SPPL3: variants seen among roughly 807,000 people sequenced by gnomAD.
SPPL3 encodes the protein signal peptide peptidase like 3, also known as signal peptide peptidase-like 3.
A neutral mutation model predicts 42.4 loss-of-function variants in SPPL3; 5 were observed. That is an observed-to-expected ratio of 0.12 (90% confidence interval 0.06 to 0.25). The LOEUF is 0.25. SPPL3 is among the 10% of genes least tolerant of loss of function. The probability of loss-of-function intolerance (pLI) is 1.00; values close to 1 mark genes in which losing one functional copy is unlikely to be tolerated. For missense variants in SPPL3, 235 were observed against 489.0 expected (o/e 0.48, Z 4.90); for synonymous variants, 195 against 181.8 (o/e 1.07, Z -0.58).
At chr12:120,874,056 T>C (rs1225940199) in intron 1 of SPPL3, among the ~76,000 whole-genome samples, 1 of 152,074 alleles carries the variant, frequency 6.6e-6, no homozygotes, top group African/African-American at 2.4e-5. Context: ...TAATTCATTA[T>C]CAGCAGAACC....
chr12:120,875,494 T>C (rs1426670397), intron 1 of SPPL3, among the ~76,000 whole-genome samples: 1 of 151,808 alleles, frequency 6.6e-6, no homozygotes, highest in South Asian at 2.1e-4. Context: ...CCAAGCATGG[T>C]GGCGGACGCC....
chr12:120,867,363 C>T (rs1470733477), intron 1 of SPPL3, among the ~76,000 whole-genome samples: 1 of 152,106 alleles, frequency 6.6e-6, no homozygotes, highest in Non-Finnish European at 1.5e-5. Context: ...TACAAAGGAC[C>T]ATCAAAAATA....
Position 120,782,710 on chromosome 12 carries a change from CAG to C in SPPL3, c.445_446del (p.Leu149ValfsTer51), listed in dbSNP as rs1485196736. On this transcript the variant is annotated frameshift_variant, in exon 6 of 11. Coordinates refer to ENST00000353487, the MANE Select transcript of SPPL3 (RefSeq NM_139015.5). LOFTEE classifies it high-confidence loss of function. ...CCCAGATGAGGACGAGCATGACAGACAGAGAGAATGACAGCAACTCAGCAGCA... is the reference window on the plus strand; with the variant it reads ...CCCAGATGAGGACGAGCATGACAGACAGAGAATGACAGCAACTCAGCAGCA... The part of the protein sequence containing the change: ...FTAAELLSFS[L>X]SVMLVLIWVL... 1.2e-6 allele frequency: 2 copies of C among 1,611,558 alleles called. No individual in the cohort carries two copies. The highest frequency in any genetic ancestry group is 1.7e-6 in the Non-Finnish European group (2 of 1,178,614).
At chr12:120,872,665 A>G (rs1051154714) in intron 1 of SPPL3, among the ~76,000 whole-genome samples, 1 of 152,158 alleles carries the variant, frequency 6.6e-6, no homozygotes, top group Non-Finnish European at 1.5e-5. Context: ...AGTCTCCCCA[A>G]GGTCAGGGAA....
At chr12:120,872,001 C>T (rs1235312992) in intron 1 of SPPL3, among the ~76,000 whole-genome samples, 1 of 152,162 alleles carries the variant, frequency 6.6e-6, no homozygotes, top group Non-Finnish European at 1.5e-5. Context: ...ATCTGAAATG[C>T]TCAAATGAGT....
At chr12:120,827,377 CAAT>C (rs1241649040) in intron 1 of SPPL3, among the ~76,000 whole-genome samples, 5 of 148,588 alleles carry the variant, frequency 3.4e-5, no homozygotes, top group East Asian at 3.9e-4. Flanking sequence ...ATAATAATAA[CAAT>C]AATAATAATA....
At chr12:120,894,319 C>G (rs1278005808) in intron 1 of SPPL3, among the ~76,000 whole-genome samples, 1 of 151,980 alleles carries the variant, frequency 6.6e-6, no homozygotes, top group East Asian at 1.9e-4. Flanking sequence ...ACCGAAACTC[C>G]ATCTCAAAAA....
At chr12:120,802,629 T>G (rs1322022834) in intron 2 of SPPL3, among the ~76,000 whole-genome samples, 1 of 151,602 alleles carries the variant, frequency 6.6e-6, no homozygotes, top group African/African-American at 2.4e-5. Flanking sequence ...AGATGGAGTT[T>G]CACCATGTTG....
chr12:120,783,208 A>G (rs1385614170), intron 5 of SPPL3, among the ~76,000 whole-genome samples: 1 of 152,238 alleles, frequency 6.6e-6, no homozygotes, highest in Non-Finnish European at 1.5e-5. Context: ...AAGTGCGTTC[A>G]GCATCTCCAT....
chr12:120,874,763 G>C (rs1236165726), intron 1 of SPPL3, among the ~76,000 whole-genome samples: 1 of 151,888 alleles, frequency 6.6e-6, no homozygotes, highest in Non-Finnish European at 1.5e-5. Context: ...GGATGTGTGA[G>C]TGTGAGTGTG....
At chr12:120,865,576 C>G (rs1672661672) in intron 1 of SPPL3, among the ~76,000 whole-genome samples, 1 of 152,148 alleles carries the variant, frequency 6.6e-6, no homozygotes, top group Non-Finnish European at 1.5e-5. Flanking sequence ...TACCAATATT[C>G]TAAATATTAC....
intron 6 of SPPL3, chr12:120,770,004 G>A (rs1173683765): frequency 6.7e-6 from 1 of 148,400 alleles, no homozygotes; most frequent in East Asian, 2.0e-4. Flanking sequence ...ATCTTTTGCA[G>A]ATGGTTTGTC....
At chr12:120,875,585 T>A (rs1250012598) in intron 1 of SPPL3, among the ~76,000 whole-genome samples, 4 of 148,006 alleles carry the variant, frequency 2.7e-5, no homozygotes, top group African/African-American at 1.0e-4. Flanking sequence ...GCCGAGACTG[T>A]GCCACTGCCC....
rs957250818 is a variant in SPPL3, at chr12:120,769,123, A to G, written c.503-64T>C. ...TGGACTCCAGGCTCATCCTCTTTCC[A>G]CAAGCTATGGCCCTTCACAGAGTTT... On this transcript the variant is annotated intron_variant, in intron 6 of 10. Coordinates refer to ENST00000353487, the MANE Select transcript of SPPL3 (RefSeq NM_139015.5). The G allele has an allele frequency of 5.4e-6, 7 of 1,294,254 alleles. No homozygotes were observed. In the African/African-American group the frequency reaches 8.8e-5, roughly 16 times the overall value. The allele number at this position is 1,294,254 out of a possible 1,614,324, so 80.2% of individuals were successfully genotyped here.
At chr12:120,884,824 G>GTTT (rs1873403289) in intron 1 of SPPL3, among the ~76,000 whole-genome samples, 1 of 44,226 alleles carries the variant, frequency 2.3e-5, no homozygotes, top group Non-Finnish European at 5.9e-5. Context: ...TTTTTTTTTT[G>GTTT]GCTTTCAGAA....
At chr12:120,885,833 C>A (rs1384607699) in intron 1 of SPPL3, among the ~76,000 whole-genome samples, 3 of 146,882 alleles carry the variant, frequency 2.0e-5, no homozygotes, top group African/African-American at 7.5e-5. Flanking sequence ...TGAGTAAAGT[C>A]ATTCAAACAT....
intron 1 of SPPL3, among the ~76,000 whole-genome samples, chr12:120,817,215 A>G (rs570036659): frequency 6.6e-6 from 1 of 152,150 alleles, no homozygotes; most frequent in African/African-American, 2.4e-5. Flanking sequence ...GGATCCTTTG[A>G]GCCCACAAGT....
At chr12:120,816,753 T>C (rs970723437) in intron 1 of SPPL3, among the ~76,000 whole-genome samples, 3 of 152,132 alleles carry the variant, frequency 2.0e-5, no homozygotes, top group Admixed American at 2.0e-4. Flanking sequence ...CTGTGATTAT[T>C]AGTGTTTTTT....
intron 6 of SPPL3, among the ~76,000 whole-genome samples, chr12:120,777,879 AC>A (rs1869382680): frequency 6.6e-6 from 1 of 152,182 alleles, no homozygotes; most frequent in Non-Finnish European, 1.5e-5. Flanking sequence ...AAGGTGAATT[AC>A]TACACAGACG....
Sources: gnomAD v4.1 joint callset for allele counts (sites outside exome capture counted in the v4.1 genomes callset) on GRCh38, gnomAD v4.1.1 for gene constraint, MANE v1.5 for transcripts, NCBI Gene and HGNC (gene_info 2026-07-23, HGNC 2026-07-21) for gene names.